The following RELN variants were observed in gnomAD, a reference collection of about 807,000 sequenced individuals.
The protein encoded by RELN is reelin.
A neutral mutation model predicts 427.6 loss-of-function variants in RELN; 108 were observed. The ratio of observed to expected loss-of-function variants is 0.25; its 90% confidence interval spans 0.22 to 0.30. The LOEUF (loss-of-function observed/expected upper bound fraction) is 0.30. RELN is among the 10% of genes least tolerant of loss of function. The probability of loss-of-function intolerance (pLI) is 1.00; values close to 1 mark genes in which losing one functional copy is unlikely to be tolerated. For synonymous variants in RELN, 1,524 were observed against 1,513.4 expected, an observed-to-expected ratio of 1.01 and a Z score of -0.16; for missense variants, 3,715 against 4,302.8, an observed-to-expected ratio of 0.86 and a Z score of 3.82.
At position 103,523,529 on chromosome 7, in the gene RELN, G is replaced by A; in HGVS notation, c.7352C>T (p.Ser2451Phe). The A allele has an allele frequency of 6.2e-7, 1 of 1,614,054 alleles. No homozygotes were observed. The highest frequency in any genetic ancestry group is 1.1e-5 in the South Asian group (1 of 91,076). ...ATGCCAACGGAAACGAGTGGCTTGG[G>A]ACCTTTGAAGAAGATGAGAATTTTA... is the stretch of plus-strand genomic sequence containing the variant. ...ITLPLPPYTR[S>F]QATRFRWHQP... The change falls in exon 47 of 65, where the codon TCC becomes TTC. Residue 2451 changes from serine (S) to phenylalanine (F), a missense_variant and splice_region_variant. Coordinates refer to ENST00000428762, the MANE Select transcript of RELN (RefSeq NM_005045.4).
intron 4 of RELN, among the ~76,000 whole-genome samples, chr7:103,774,665 A>G (rs4729930): frequency 0.5 from 75,877 of 152,048 alleles, 20,305 homozygotes; most frequent in African/African-American, 0.7. Context: ...GACAATTACT[A>G]TTTTAATTAA....
rs1830491721 is a variant in RELN, at chr7:103,554,948, A to C, written c.5798-1117T>G. On this transcript the variant is annotated intron_variant, in intron 38 of 64. Transcript: ENST00000428762. Reference sequence around the variant, plus strand: ...CTATGGCCATTAAAATAATGCCCTGATACGTAATTGCATTTATTTGTTTAT... The same window carrying C: ...CTATGGCCATTAAAATAATGCCCTGCTACGTAATTGCATTTATTTGTTTAT... Among the ~76,000 whole-genome samples, 2 of 152,196 alleles carry C rather than the reference A, an allele frequency of 1.3e-5. 1 individual carries two copies. The highest frequency in any genetic ancestry group is 4.1e-4 in the South Asian group (2 of 4,822).
intron 1 of RELN, among the ~76,000 whole-genome samples, chr7:103,984,117 T>C (rs1421475531): frequency 6.6e-6 from 1 of 151,656 alleles, no homozygotes; most frequent in Non-Finnish European, 1.5e-5. Context: ...GTAAGGCTTC[T>C]AGTTTATTCT....
chr7:103,936,716 A>G (rs934441850), intron 1 of RELN, among the ~76,000 whole-genome samples: 2 of 106,856 alleles, frequency 1.9e-5, no homozygotes, highest in Non-Finnish European at 3.8e-5. Flanking sequence ...TCCTACGCAC[A>G]CACACACACA....
intron 64 of RELN, among the ~76,000 whole-genome samples, chr7:103,477,896 TC>T (rs1828092306): frequency 6.6e-6 from 1 of 152,244 alleles, no homozygotes; most frequent in African/African-American, 2.4e-5. Context: ...GTCTGCCAAT[TC>T]AGTTATTAAC....
At chr7:103,802,664 C>G (rs1420904590) in intron 3 of RELN, among the ~76,000 whole-genome samples, 1 of 152,034 alleles carries the variant, frequency 6.6e-6, no homozygotes, top group Non-Finnish European at 1.5e-5. Flanking sequence ...ATAAACTAGA[C>G]TTCTAAGTAC....
At chr7:103,856,151 C>T (rs937911958) in intron 2 of RELN, among the ~76,000 whole-genome samples, 5 of 152,088 alleles carry the variant, frequency 3.3e-5, no homozygotes, top group Non-Finnish European at 5.9e-5. Context: ...TAACTCATTT[C>T]CTAAATACTG....
intron 8 of RELN, among the ~76,000 whole-genome samples, chr7:103,717,988 C>A (rs1318386916): frequency 6.6e-6 from 1 of 152,088 alleles, no homozygotes; most frequent in African/African-American, 2.4e-5. Context: ...AAATCAACTG[C>A]TTTTCTTATG....
rs1175264320 is a variant in RELN at position 103,596,660 on chromosome 7, G to A, written c.3335C>T (p.Ala1112Val). The A allele has an allele frequency of 6.2e-7, 1 of 1,613,400 alleles. No homozygotes were observed. Among genetic ancestry groups the A allele is most frequent in the Non-Finnish European group, 8.5e-7 (1 of 1,179,560 alleles). Residue 1112 changes from alanine (A) to valine (V), a missense_variant and splice_region_variant, in exon 25 of 65, where the codon GCT (alanine) becomes GTT (valine). Ala to Val is a moderately conservative substitution (Grantham distance 64). Coordinates refer to ENST00000428762, the MANE Select transcript of RELN (RefSeq NM_005045.4). Reference protein sequence around the residue: ...SSGSSLYFSKAGKRQLVSWDL... With the variant: ...SSGSSLYFSKVGKRQLVSWDL... ...CCAACTCACCAGCTGTCTTTTCCCAGCCTTTCAGAAAAGAAGAAAAATCAA... is the reference window on the plus strand; with the variant it reads ...CCAACTCACCAGCTGTCTTTTCCCAACCTTTCAGAAAAGAAGAAAAATCAA...
intron 20 of RELN, among the ~76,000 whole-genome samples, chr7:103,621,634 G>C (rs1431884020): frequency 2.0e-5 from 3 of 152,146 alleles, no homozygotes; most frequent in Non-Finnish European, 2.9e-5. Flanking sequence ...GCAAGGCAGG[G>C]GGCAGGGGAG....
At chr7:103,726,135 T>C (rs1205859122) in intron 7 of RELN, among the ~76,000 whole-genome samples, 1 of 152,208 alleles carries the variant, frequency 6.6e-6, no homozygotes, top group Non-Finnish European at 1.5e-5. Context: ...TGGATTTTAG[T>C]AAATATTGAA....
intron 1 of RELN, among the ~76,000 whole-genome samples, chr7:103,918,427 T>G (rs1462189493): frequency 6.6e-6 from 1 of 152,090 alleles, no homozygotes; most frequent in East Asian, 1.9e-4. Flanking sequence ...ACAGAGCCAT[T>G]AAGAACCTGG....
rs77865366 is a variant in RELN, at chr7:103,890,638, G to A, written c.337+26437C>T. Among the ~76,000 whole-genome samples the A allele has an allele frequency of 4.0e-3, 605 of 152,174 alleles. 22 individuals are homozygous for A. In the East Asian group the frequency reaches 0.071, roughly 18 times the overall value. On this transcript the variant is annotated intron_variant, in intron 2 of 64. Coordinates refer to ENST00000428762, the MANE Select transcript of RELN (RefSeq NM_005045.4). Reference sequence around the variant, plus strand: ...CCTAGTGCCAAAAAGGTTGGGGACCGCTGCACTATGATACTCAATTAAGGG... The same window carrying A: ...CCTAGTGCCAAAAAGGTTGGGGACCACTGCACTATGATACTCAATTAAGGG...
At chr7:103,880,508 T>A (rs1053734599) in intron 2 of RELN, among the ~76,000 whole-genome samples, 1 of 152,116 alleles carries the variant, frequency 6.6e-6, no homozygotes, top group Non-Finnish European at 1.5e-5. Context: ...AGTCCCTCCT[T>A]TGTCATCATC....
intron 33 of RELN, among the ~76,000 whole-genome samples, chr7:103,565,946 A>T (rs201209835): frequency 1.4e-5 from 2 of 147,458 alleles, no homozygotes. Flanking sequence ...TAAGTCTACA[A>T]GTTATGAAAC....
In RELN at chr7:103,668,088, G is replaced by C. The variant is rs146384571; in HGVS notation, c.1290-6561C>G. The stretch of plus-strand genomic sequence containing the variant: ...CTACTAAAAATACAAAAATTAGCCG[G>C]GCATGGTGGTGCACACCTATAATCC... On this transcript the variant is annotated intron_variant, in intron 11 of 64. Transcript: ENST00000428762. Among the ~76,000 whole-genome samples, 444 of 152,140 alleles carry C rather than the reference G, an allele frequency of 2.9e-3. 2 individuals carry two copies. Among genetic ancestry groups the C allele is most frequent in the Middle Eastern group, 6.8e-3 (2 of 294 alleles).
At chr7:103,912,851 G>A (rs775976968) in intron 2 of RELN, among the ~76,000 whole-genome samples, 5 of 152,006 alleles carry the variant, frequency 3.3e-5, no homozygotes, top group African/African-American at 1.2e-4. Context: ...TTCATTGAGC[G>A]ACCACAATGA....
At chr7:103,917,632 T>G (rs1315386781) in intron 1 of RELN, among the ~76,000 whole-genome samples, 1 of 151,918 alleles carries the variant, frequency 6.6e-6, no homozygotes, top group Non-Finnish European at 1.5e-5. Context: ...TGAACCACAT[T>G]TCTTATTGTG....
chr7:103,760,836 A>G (rs1180142626), intron 4 of RELN, among the ~76,000 whole-genome samples: 1 of 152,182 alleles, frequency 6.6e-6, no homozygotes, highest in East Asian at 1.9e-4. Flanking sequence ...CAAATTAGAC[A>G]TGGGCTCTGA....
Sources: allele counts gnomAD v4.1 joint callset (sites outside exome capture counted in the v4.1 genomes callset), GRCh38; gene constraint gnomAD v4.1.1; transcripts MANE v1.5; gene names NCBI Gene and HGNC (gene_info 2026-07-23, HGNC 2026-07-21).